The following ENDOU variants were observed in gnomAD, a reference collection of about 807,000 sequenced individuals.
The protein encoded by ENDOU is uridylate-specific endoribonuclease.
Under a neutral mutation model 54.2 loss-of-function variants are expected in ENDOU, and 49 were observed. The ratio of observed to expected loss-of-function variants is 0.90; its 90% confidence interval spans 0.72 to 1.15. ENDOU has a LOEUF of 1.15. Among genes scored for constraint, ENDOU ranks in the 50% most tolerant of loss-of-function variants. ENDOU has a pLI of 0.00. For missense variants in ENDOU, 458 were observed against 511.4 expected (o/e 0.90, Z 1.01); for synonymous variants, 172 against 190.5 (o/e 0.90, Z 0.80).
In ENDOU at chr12:47,720,802, C is replaced by T. The variant is rs1940407113; in HGVS notation, c.129G>A (p.Arg43=). The part of the protein sequence containing the change: ...NRDAACQCDR[R]CLWHGNCCED... ...CACAGCAGTTCCCATGCCAGAGACACCGGCGGTCACACTGGCAGGCAGCGT... is the reference window on the plus strand; with the variant it reads ...CACAGCAGTTCCCATGCCAGAGACATCGGCGGTCACACTGGCAGGCAGCGT... The change falls in exon 2 of 10, where the codon CGG becomes CGA. Residue 43 remains arginine, a synonymous_variant. Transcript: ENST00000422538. The T allele has an allele frequency of 2.6e-6, 4 of 1,536,150 alleles. No individual in the cohort carries two copies. The highest frequency in any genetic ancestry group is 1.7e-4 in the Middle Eastern group (1 of 5,990).
chr12:47,718,801 G>C (rs1940343252), intron 2 of ENDOU, among the ~76,000 whole-genome samples: 1 of 152,058 alleles, frequency 6.6e-6, no homozygotes, highest in Admixed American at 6.6e-5. Flanking sequence ...TTGAGGTTGG[G>C]GGTGATGCAG....
chr12:47,713,752 G>GGGC (rs397939678), intron 6 of ENDOU, among the ~76,000 whole-genome samples: 1 of 134,418 alleles, frequency 7.4e-6, no homozygotes, highest in Non-Finnish European at 1.6e-5. Flanking sequence ...GGGGGGGGGG[G>GGGC]TCTTCTAGAA....
intron 6 of ENDOU, among the ~76,000 whole-genome samples, chr12:47,715,404 C>A (rs923994972): frequency 6.6e-6 from 1 of 152,344 alleles, no homozygotes; most frequent in Admixed American, 6.5e-5. Flanking sequence ...TGTCTGGCCT[C>A]CGTTTCTCTC....
intron 9 of ENDOU, 84 bp from the exon 10 acceptor site, chr12:47,711,003 G>C: frequency 1.2e-6 from 1 of 842,450 alleles, no homozygotes. Flanking sequence ...CCCAACTGAA[G>C]CAGAAGGGCT....
At position 47,716,376 on chromosome 12, in the gene ENDOU, G is replaced by A. The variant is rs569013403; in HGVS notation, c.675C>T (p.Ala225=). 30 of 1,613,970 alleles carry A rather than the reference G, an allele frequency of 1.9e-5. No homozygotes were observed. The highest frequency in any genetic ancestry group is 2.5e-5 in the Non-Finnish European group (30 of 1,180,018). Residue 225 remains alanine, a synonymous_variant, in exon 6 of 10, where the codon GCC becomes GCT. Transcript: ENST00000422538. ...HGEHFSAQEL[A]EQDAFLREIM... ...TCTCTCTGAGGAAGGCGTCCTGCTC[G>A]GCCAGCTCCTGGGCACTGAAGTGCT...
intron 8 of ENDOU, 95 bp from the exon 9 acceptor site, chr12:47,711,870 G>GT: frequency 7.6e-7 from 1 of 1,323,442 alleles, no homozygotes; most frequent in East Asian, 2.3e-5. Context: ...TATTTGTTGA[G>GT]GGTCCATTAG....
chr12:47,720,945 A>G (rs1055403188), intron 1 of ENDOU, 70 bp from the exon 2 acceptor site: 2 of 1,472,398 alleles, frequency 1.4e-6, no homozygotes, highest in African/African-American at 2.8e-5. Context: ...CTCCTGCAGG[A>G]GGGTTCACAG....
At chr12:47,713,493 T>C (rs1024159186) in intron 6 of ENDOU, 105 bp from the exon 7 acceptor site, 20 of 738,146 alleles carry the variant, frequency 2.7e-5, no homozygotes, top group Admixed American at 1.0e-4. Flanking sequence ...TCAAGAAACA[T>C]GTGGGTTCAA....
intron 1 of ENDOU, among the ~76,000 whole-genome samples, chr12:47,724,858 T>C (rs910485232): frequency 6.6e-6 from 1 of 152,080 alleles, no homozygotes; most frequent in Non-Finnish European, 1.5e-5. Flanking sequence ...GAGGCCCACC[T>C]CCTGGTCAAA....
chr12:47,716,172 A>G, intron 6 of ENDOU, 128 bp downstream of exon 6: 1 of 897,682 alleles, frequency 1.1e-6, no homozygotes, highest in South Asian at 1.5e-5. Flanking sequence ...CATCCCTCCC[A>G]GATGTACACT....
chr12:47,720,644 G>T, intron 2 of ENDOU, 109 bp downstream of exon 2: 2 of 1,248,078 alleles, frequency 1.6e-6, no homozygotes, highest in Non-Finnish European at 2.2e-6. Flanking sequence ...TTTCTGTCCA[G>T]ACCCTTAGAG....
intron 6 of ENDOU, among the ~76,000 whole-genome samples, chr12:47,714,238 G>A (rs1940144190): frequency 6.6e-6 from 1 of 152,190 alleles, no homozygotes; most frequent in Admixed American, 6.5e-5. Context: ...TTAATGAAAG[G>A]TAGAGACAGC....
intron 8 of ENDOU, among the ~76,000 whole-genome samples, chr12:47,712,174 C>T (rs1245495554): frequency 6.6e-6 from 1 of 152,196 alleles, no homozygotes; most frequent in East Asian, 1.9e-4. Context: ...CTCAAACTAG[C>T]CAGGCTGAAA....
intron 8 of ENDOU, 77 bp downstream of exon 8, chr12:47,712,439 C>G: frequency 8.8e-7 from 1 of 1,134,202 alleles, no homozygotes; most frequent in East Asian, 2.4e-5. Flanking sequence ...GGCTGAGAGG[C>G]AAGTCGACAG....
chr12:47,718,966 G>A (rs61059318), intron 2 of ENDOU, among the ~76,000 whole-genome samples: 1 of 152,098 alleles, frequency 6.6e-6, no homozygotes, highest in African/African-American at 2.4e-5. Context: ...ATTACCATCA[G>A]AACTACCAGT....
intron 8 of ENDOU, 102 bp from the exon 9 acceptor site, chr12:47,711,877 T>C: frequency 1.5e-6 from 2 of 1,304,992 alleles, no homozygotes; most frequent in Non-Finnish European, 1.1e-6. Flanking sequence ...TGAGGGTCCA[T>C]TAGGGGCCTG....
intron 7 of ENDOU, 43 bp downstream of exon 7, chr12:47,713,232 C>G: frequency 7.3e-7 from 1 of 1,371,934 alleles, no homozygotes; most frequent in South Asian, 1.2e-5. Flanking sequence ...AGCCATTCCT[C>G]TTCATCCCTC....
At chr12:47,711,533 C>A in intron 9 of ENDOU, 100 bp downstream of exon 9, 1 of 1,383,806 alleles carries the variant, frequency 7.2e-7, no homozygotes, top group Non-Finnish European at 9.8e-7. Flanking sequence ...CAAGCCCTCT[C>A]AGCCTCTTTG....
At chr12:47,716,798 T>C in intron 5 of ENDOU, 92 bp downstream of exon 5, 2 of 1,328,174 alleles carry the variant, frequency 1.5e-6, no homozygotes, top group Admixed American at 1.8e-5. Context: ...CCTTTGATCG[T>C]GCCTGACTTG....
Sources: allele counts gnomAD v4.1 joint callset (sites outside exome capture counted in the v4.1 genomes callset), GRCh38; gene constraint gnomAD v4.1.1; transcripts MANE v1.5; gene names NCBI Gene and HGNC (gene_info 2026-07-23, HGNC 2026-07-21).